Variants in MDGA2 observed in about 807,000 individuals in gnomAD.
MDGA2 encodes the protein MAM domain-containing glycosylphosphatidylinositol anchor protein 2.
A neutral mutation model predicts 117.8 loss-of-function variants in MDGA2; 40 were observed. The observed-to-expected ratio is 0.34, with a 90% CI of 0.26 to 0.44. MDGA2 has a LOEUF of 0.44. MDGA2 is among the 20% of genes least tolerant of loss of function. MDGA2 has a pLI of 1.00. For missense variants in MDGA2, 1,123 were observed against 1,250.6 expected (o/e 0.90, Z 1.54); for synonymous variants, 452 against 439.0 (o/e 1.03, Z -0.37).
chr14:47,095,947 G>A (rs1432337748), intron 6 of MDGA2, among the ~76,000 whole-genome samples: 3 of 151,874 alleles, frequency 2.0e-5, no homozygotes, highest in Non-Finnish European at 2.9e-5. Context: ...AGGCCTCAGT[G>A]TGCACCCTCC....
intron 5 of MDGA2, among the ~76,000 whole-genome samples, chr14:47,098,916 T>C (rs1952206): frequency 0.52 from 78,933 of 151,630 alleles, 20,958 homozygotes; most frequent in African/African-American, 0.64. Flanking sequence ...TATTATTTAA[T>C]GCAAAAAAGC....
At chr14:47,606,398 T>C (rs1290908002) in intron 1 of MDGA2, among the ~76,000 whole-genome samples, 1 of 152,358 alleles carries the variant, frequency 6.6e-6, no homozygotes, top group East Asian at 1.9e-4. Context: ...AATGAAACTT[T>C]TTAAATTGTA....
At chr14:47,414,269 T>C (rs896888116) in intron 1 of MDGA2, among the ~76,000 whole-genome samples, 8 of 152,316 alleles carry the variant, frequency 5.3e-5, no homozygotes, top group Admixed American at 3.3e-4. Flanking sequence ...CACCTTGTTA[T>C]AACCCAAGAG....
At chr14:47,304,888 A>G (rs944326143) in intron 1 of MDGA2, among the ~76,000 whole-genome samples, 3 of 152,098 alleles carry the variant, frequency 2.0e-5, no homozygotes, top group Non-Finnish European at 4.4e-5. Flanking sequence ...TCCCATACCA[A>G]TAATTGGACC....
intron 1 of MDGA2, among the ~76,000 whole-genome samples, chr14:47,392,816 T>C (rs1413884764): frequency 6.6e-6 from 1 of 152,074 alleles, no homozygotes; most frequent in Non-Finnish European, 1.5e-5. Context: ...AATTTAAACA[T>C]AAAACACATA....
chr14:47,017,860 A>C (rs1016616864), intron 8 of MDGA2, among the ~76,000 whole-genome samples: 2 of 152,106 alleles, frequency 1.3e-5, no homozygotes, highest in African/African-American at 4.8e-5. Flanking sequence ...TCAAACCCTT[A>C]AGAGGAGTCC....
At chr14:47,515,351 A>G (rs970000793) in intron 1 of MDGA2, among the ~76,000 whole-genome samples, 2 of 152,126 alleles carry the variant, frequency 1.3e-5, no homozygotes, top group East Asian at 1.9e-4. Flanking sequence ...ACCTGTGAAT[A>G]CCCTGCACAT....
chr14:47,245,690 A>AT (rs981228003), intron 2 of MDGA2, among the ~76,000 whole-genome samples: 2 of 151,978 alleles, frequency 1.3e-5, no homozygotes, highest in East Asian at 1.9e-4. Flanking sequence ...TAGTGGTAGT[A>AT]TTTTTTGTAA....
At chr14:47,095,974 C>A (rs1485992358) in intron 6 of MDGA2, among the ~76,000 whole-genome samples, 5 of 151,934 alleles carry the variant, frequency 3.3e-5, no homozygotes, top group Admixed American at 3.3e-4. Context: ...AACCCAGGAC[C>A]ATACCAGGTG....
At chr14:46,967,383 G>C (rs1299964612) in intron 8 of MDGA2, among the ~76,000 whole-genome samples, 2 of 152,102 alleles carry the variant, frequency 1.3e-5, no homozygotes, top group Non-Finnish European at 2.9e-5. Context: ...TGGGATTAAA[G>C]TCATTTAAGG....
intron 1 of MDGA2, among the ~76,000 whole-genome samples, chr14:47,649,274 G>T (rs1897592694): frequency 6.6e-6 from 1 of 152,086 alleles, no homozygotes; most frequent in Non-Finnish European, 1.5e-5. Flanking sequence ...CTGCTTAAAA[G>T]TTTATCTATA....
chr14:47,389,377 A>G (rs576178193), intron 1 of MDGA2, among the ~76,000 whole-genome samples: 4 of 152,298 alleles, frequency 2.6e-5, no homozygotes, highest in East Asian at 1.9e-4. Flanking sequence ...ATGACTAAAA[A>G]TGTGTGTAAT....
At chr14:47,468,276 A>C (rs1363054942) in intron 1 of MDGA2, among the ~76,000 whole-genome samples, 1 of 152,180 alleles carries the variant, frequency 6.6e-6, no homozygotes, top group Non-Finnish European at 1.5e-5. Flanking sequence ...TCAAAGAAAG[A>C]AAAGAGTAAT....
At chr14:47,279,967 C>G (rs557786396) in intron 2 of MDGA2, among the ~76,000 whole-genome samples, 14 of 151,960 alleles carry the variant, frequency 9.2e-5, no homozygotes, top group Non-Finnish European at 1.5e-4. Flanking sequence ...AATTCCTGGA[C>G]TCAGGAGATC....
At chr14:47,091,248 A>G (rs552405779) in intron 6 of MDGA2, among the ~76,000 whole-genome samples, 3 of 152,322 alleles carry the variant, frequency 2.0e-5, no homozygotes, top group East Asian at 1.9e-4. Context: ...TTCTCTCACT[A>G]AACACATGTT....
intron 1 of MDGA2, among the ~76,000 whole-genome samples, chr14:47,552,659 TA>T (rs528448617): frequency 2.1e-4 from 32 of 149,578 alleles, no homozygotes; most frequent in Admixed American, 6.7e-4. Context: ...TTCTCTCTGT[TA>T]AAAAAAAAAT....
intron 1 of MDGA2, among the ~76,000 whole-genome samples, chr14:47,542,800 ATTGTT>A (rs1165531392): frequency 1.3e-5 from 2 of 152,228 alleles, no homozygotes; most frequent in Non-Finnish European, 2.9e-5. Context: ...ACATTTTAGT[ATTGTT>A]TTATTTTAAT....
intron 14 of MDGA2, among the ~76,000 whole-genome samples, chr14:46,858,063 A>T (rs1192089402): frequency 1.3e-5 from 2 of 151,484 alleles, no homozygotes; most frequent in East Asian, 3.9e-4. Context: ...CATATATATA[A>T]AAGTACTTAT....
intron 2 of MDGA2, among the ~76,000 whole-genome samples, chr14:47,297,219 G>T (rs762093547): frequency 2.0e-5 from 3 of 151,966 alleles, no homozygotes. Context: ...GAAATGCAAC[G>T]AACGAGAACT....
Sources: gnomAD v4.1 joint callset for allele counts (sites outside exome capture counted in the v4.1 genomes callset) on GRCh38, gnomAD v4.1.1 for gene constraint, MANE v1.5 for transcripts, NCBI Gene and HGNC (gene_info 2026-07-23, HGNC 2026-07-21) for gene names.